The following LMF1 variants were observed in gnomAD, a reference collection of about 807,000 sequenced individuals.
The protein encoded by LMF1 is transmembrane protein 112.
In LMF1, 68 loss-of-function variants were observed where a neutral mutation model predicts 60.6. The observed-to-expected ratio is 1.12, with a 90% CI of 0.92 to 1.37. The LOEUF (loss-of-function observed/expected upper bound fraction) is 1.37, where lower values mean the gene tolerates loss of function less well. Among genes scored for constraint, LMF1 ranks in the 40% most tolerant of loss-of-function variants. LMF1 has a pLI of 0.00. For missense variants in LMF1, 948 were observed against 767.2 expected (o/e 1.24, Z -2.78); for synonymous variants, 418 against 324.7 (o/e 1.29, Z -3.09).
At chr16:919,608 C>G (rs1381211830) in intron 3 of LMF1, among the ~76,000 whole-genome samples, 1 of 152,182 alleles carries the variant, frequency 6.6e-6, no homozygotes, top group Non-Finnish European at 1.5e-5. Flanking sequence ...GCGTCTGGAC[C>G]GCAGTCTCAT....
At chr16:857,051 G>A (rs1401099562) in intron 10 of LMF1, among the ~76,000 whole-genome samples, 11 of 152,256 alleles carry the variant, frequency 7.2e-5, no homozygotes, top group Non-Finnish European at 1.2e-4. Flanking sequence ...CGGGGCAGGC[G>A]ATTCTCACGC....
At chr16:928,735 A>C (rs1265182879) in intron 3 of LMF1, among the ~76,000 whole-genome samples, 4 of 59,884 alleles carry the variant, frequency 6.7e-5, no homozygotes, top group Admixed American at 1.4e-4. Flanking sequence ...CCACACCCCC[A>C]CGGGCCCATC....
At chr16:980,645 G>A (rs986826245) in intron 1 of LMF1, 5 of 152,142 alleles carry the variant, frequency 3.3e-5, no homozygotes, top group African/African-American at 9.7e-5. Flanking sequence ...CCAGCGCGCT[G>A]GTTGAAAGGA....
intron 3 of LMF1, among the ~76,000 whole-genome samples, chr16:923,767 A>G (rs1026822450): frequency 2.0e-5 from 3 of 152,190 alleles, no homozygotes; most frequent in African/African-American, 2.4e-5. Context: ...CTGCCCCACA[A>G]TCTCCAAATC....
chr16:871,427 G>A lies in LMF1; in HGVS notation c.898-86C>T, dbSNP rs113445575. 2,445 of 1,375,426 alleles carry A rather than the reference G, an allele frequency of 1.8e-3. 37 individuals carry two copies. In the African/African-American group the frequency reaches 0.019, roughly 11 times the overall value. The allele number at this position is 1,375,426 out of a possible 1,614,324, so 85.2% of individuals were successfully genotyped here. On this transcript the variant is annotated intron_variant, in intron 6 of 10. Transcript: ENST00000262301. ...GCGCCTCTCTTCCTGGAGCAGGGAG[G>A]GGGGAGGGAACCTGCACCCAGCTCT... is the stretch of plus-strand genomic sequence containing the variant.
intron 3 of LMF1, among the ~76,000 whole-genome samples, chr16:916,299 C>T (rs1185895904): frequency 1.3e-5 from 2 of 152,192 alleles, no homozygotes; most frequent in African/African-American, 2.4e-5. Flanking sequence ...ATTAAGTTCG[C>T]TGTTAAAATC....
In LMF1 at chr16:970,961, G is replaced by T; in HGVS notation, c.20C>A (p.Thr7Lys). 6.5e-7 allele frequency: 1 copy of T among 1,532,004 alleles called. No individual in the cohort carries two copies. Among genetic ancestry groups the T allele is most frequent in the Non-Finnish European group, 8.8e-7 (1 of 1,134,574 alleles). 94.9% of individuals were successfully genotyped at this position (1,532,004 alleles called of 1,614,324 possible). ...CAGCGACTCCGCGGGCGCCGCCATT[G>T]TTGGGCTGTCAGGGCGCATGTGCGG... is the stretch of plus-strand genomic sequence containing the variant. MRPDSP[T>K]MAAPAESLRR... Residue 7 changes from threonine (T) to lysine (K), a missense_variant, in exon 1 of 11, where the codon ACA becomes AAA. Physicochemically the swap from Thr to Lys is moderately conservative, Grantham distance 78 (BLOSUM62 -1). Transcript: ENST00000262301.
chr16:854,841 C>G (rs1296140451), intron 10 of LMF1, 135 bp from the exon 11 acceptor site: 2 of 818,786 alleles, frequency 2.4e-6, no homozygotes, highest in Non-Finnish European at 4.0e-6. Flanking sequence ...AGCCCCCACC[C>G]TGAGCACAGG....
chr16:859,895 CGGGAT>C (rs1025203963), intron 10 of LMF1, among the ~76,000 whole-genome samples: 1 of 135,600 alleles, frequency 7.4e-6, no homozygotes, highest in Non-Finnish European at 1.5e-5. Context: ...AGTGGTGTCT[CGGGAT>C]GGGTGTGCAG....
intron 10 of LMF1, among the ~76,000 whole-genome samples, chr16:860,669 T>C (rs904231610): frequency 1.2e-4 from 18 of 152,204 alleles, no homozygotes; most frequent in Non-Finnish European, 2.2e-4. Context: ...ATGCTTTACG[T>C]TGAAGTCCAG....
At chr16:959,710 T>TC (rs926747953) in intron 1 of LMF1, among the ~76,000 whole-genome samples, 5 of 151,884 alleles carry the variant, frequency 3.3e-5, no homozygotes, top group Non-Finnish European at 5.9e-5. Context: ...TCCAGGGCTT[T>TC]CCCCCCCGGG....
At chr16:856,131 C>G (rs1390531224) in intron 10 of LMF1, 4 of 369,252 alleles carry the variant, frequency 1.1e-5, no homozygotes. Context: ...GCAGCCAAGA[C>G]TGAGGGTGAT....
chr16:879,052 A>G (rs1205186219), intron 6 of LMF1, among the ~76,000 whole-genome samples: 1 of 151,386 alleles, frequency 6.6e-6, no homozygotes, highest in Non-Finnish European at 1.5e-5. Flanking sequence ...TGGGGCAGGG[A>G]TGGCGGTGAC....
chr16:860,031 C>A (rs934350090), intron 10 of LMF1, among the ~76,000 whole-genome samples: 2 of 151,080 alleles, frequency 1.3e-5, no homozygotes, highest in Admixed American at 6.6e-5. Flanking sequence ...TTCTCCTGAG[C>A]TTATCTGTCA....
chr16:889,186 AGTT>A, intron 5 of LMF1, among the ~76,000 whole-genome samples: 1 of 152,142 alleles, frequency 6.6e-6, no homozygotes, highest in Non-Finnish European at 1.5e-5. Context: ...TGTTGTCAGG[AGTT>A]TCAGGCAGAG....
chr16:879,243 T>C (rs1418549899), intron 6 of LMF1, among the ~76,000 whole-genome samples: 2 of 152,118 alleles, frequency 1.3e-5, no homozygotes, highest in Non-Finnish European at 1.5e-5. Flanking sequence ...ATCCCAGGAA[T>C]GTGGGGGTGT....
chr16:974,460 TG>T (rs553412236), upstream of LMF1, among the ~76,000 whole-genome samples: 23 of 149,876 alleles, frequency 1.5e-4, no homozygotes, highest in African/African-American at 5.4e-4. Flanking sequence ...GGGAGGGGAG[TG>T]GAGATGAGGC....
At chr16:861,903 T>C (rs555393657) in intron 10 of LMF1, among the ~76,000 whole-genome samples, 1 of 152,332 alleles carries the variant, frequency 6.6e-6, no homozygotes, top group East Asian at 1.9e-4. Context: ...AGGAGAATGC[T>C]GGCTGCAGGG....
chr16:929,905 G>A (rs1051473066), intron 3 of LMF1, among the ~76,000 whole-genome samples: 17 of 152,010 alleles, frequency 1.1e-4, no homozygotes, highest in South Asian at 2.1e-4. Flanking sequence ...GGTCGTGTAC[G>A]TGTGAACGGG....
Sources: allele counts gnomAD v4.1 joint callset (sites outside exome capture counted in the v4.1 genomes callset), GRCh38; gene constraint gnomAD v4.1.1; transcripts MANE v1.5; gene names NCBI Gene and HGNC (gene_info 2026-07-23, HGNC 2026-07-21).